FARP1: variants seen among roughly 807,000 people sequenced by gnomAD.
The protein encoded by FARP1 is FERM, ARHGEF and pleckstrin domain-containing protein 1.
A neutral mutation model predicts 128.8 loss-of-function variants in FARP1; 52 were observed. The observed-to-expected ratio is 0.40, with a 90% CI of 0.32 to 0.51. The LOEUF is 0.51. Among genes scored for constraint, FARP1 ranks in the 20% least tolerant of loss-of-function variants. The pLI, the probability that FARP1 is intolerant of heterozygous loss-of-function variation, is 0.45. For synonymous variants in FARP1, 580 were observed against 551.8 expected (o/e 1.05, Z -0.72); for missense variants, 1,333 against 1,367.9 (o/e 0.97, Z 0.40).
chr13:98,203,274 C>G (rs1199179563), intron 1 of FARP1, among the ~76,000 whole-genome samples: 2 of 152,166 alleles, frequency 1.3e-5, no homozygotes, highest in African/African-American at 4.8e-5. Flanking sequence ...TAACTTTGAC[C>G]TGTTTCAGGT....
intron 1 of FARP1, among the ~76,000 whole-genome samples, chr13:98,161,797 C>G (rs1292002364): frequency 6.6e-6 from 1 of 151,728 alleles, no homozygotes; most frequent in Non-Finnish European, 1.5e-5. Context: ...CCCTTTCTTT[C>G]GAGGCAGGGT....
intron 13 of FARP1, among the ~76,000 whole-genome samples, chr13:98,408,666 T>A (rs1282150535): frequency 6.6e-6 from 1 of 152,244 alleles, no homozygotes; most frequent in Non-Finnish European, 1.5e-5. Flanking sequence ...TCTCAAGGAC[T>A]CATGGTACCC....
chr13:98,172,136 G>C (rs530994533), intron 1 of FARP1, among the ~76,000 whole-genome samples: 12 of 152,110 alleles, frequency 7.9e-5, no homozygotes, highest in Middle Eastern at 3.4e-3. Flanking sequence ...TGTTGGGCGG[G>C]GTGGGGAAAA....
intron 1 of FARP1, among the ~76,000 whole-genome samples, chr13:98,195,483 A>G (rs1303817826): frequency 1.3e-5 from 2 of 152,154 alleles, no homozygotes; most frequent in Non-Finnish European, 2.9e-5. Context: ...ATTTAAGGGC[A>G]GTGAGTTTGC....
intron 3 of FARP1, among the ~76,000 whole-genome samples, chr13:98,348,465 G>A (rs1888271425): frequency 6.6e-6 from 1 of 152,232 alleles, no homozygotes; most frequent in Admixed American, 6.5e-5. Flanking sequence ...CGAGTTCCGG[G>A]AGCTGGCCAG....
chr13:98,312,436 GC>G (rs1297660920), intron 2 of FARP1, among the ~76,000 whole-genome samples: 1 of 152,158 alleles, frequency 6.6e-6, no homozygotes, highest in Non-Finnish European at 1.5e-5. Flanking sequence ...ACTGCGCCCA[GC>G]CAGTAAATGC....
At chr13:98,262,709 C>T (rs1883939328) in intron 2 of FARP1, among the ~76,000 whole-genome samples, 1 of 152,048 alleles carries the variant, frequency 6.6e-6, no homozygotes, top group Non-Finnish European at 1.5e-5. Flanking sequence ...TTGCACATGA[C>T]TTTTAGTTGA....
At position 98,446,750 on chromosome 13, in the gene FARP1, G is replaced by A. The variant is rs369210249; in HGVS notation, c.2989G>A (p.Val997Met). 3.1e-5 allele frequency: 50 copies of A among 1,614,042 alleles called. 1 individual carries two copies. In the South Asian group the frequency reaches 4.6e-4, roughly 15 times the overall value. ...GTCCGAGAACATCCAGAAAGACTAC[G>A]TGTTCAAGCTGCACTTCAAGTCCCA... is the stretch of plus-strand genomic sequence containing the variant. ...SESENIQKDY[V>M]FKLHFKSHVY... The change falls in exon 26 of 27, where the codon GTG (valine) becomes ATG (methionine). Residue 997 changes from valine (V) to methionine (M), a missense_variant. Transcript: ENST00000319562.
intron 2 of FARP1, among the ~76,000 whole-genome samples, chr13:98,338,233 T>C (rs2250674): frequency 0.49 from 75,035 of 152,046 alleles, 19,082 homozygotes; most frequent in African/African-American, 0.62. Flanking sequence ...CATCGTTGTG[T>C]GATTATCACC....
At chr13:98,244,848 G>C in intron 2 of FARP1, 3 of 1,457,062 alleles carry the variant, frequency 2.1e-6, no homozygotes, top group Non-Finnish European at 2.7e-6. Flanking sequence ...AGATACAGAT[G>C]TGATCTCAGA....
Position 98,176,306 on chromosome 13 carries a change from G to GT in FARP1, c.-24+32817dup. ...CCTTCTGCAGCCTGAAGCTTTTGCA[G>GT]TTTCGCCATCAGTTCTTTGGCGGGG... On this transcript the variant is annotated intron_variant, in intron 1 of 26. Transcript: ENST00000319562. The surrounding 1 kb of genome is among the most constrained non-coding windows in gnomAD (Gnocchi z 6.2). 6.2e-7 allele frequency: 1 copy of GT among 1,612,978 alleles called. No homozygotes were observed. Among genetic ancestry groups the GT allele is most frequent in the Middle Eastern group, 1.7e-4 (1 of 6,056 alleles).
Position 98,453,186 on chromosome 13 carries a change from G to A in FARP1, c.*4869G>A, listed in dbSNP as rs774776414. ...GCCAAAGGAATTTCAGTGGGATGAA[G>A]TTCCTCCACCACTTAGAGAGTATCT... On this transcript the variant is annotated 3_prime_UTR_variant, in exon 27 of 27. Coordinates refer to ENST00000319562, the MANE Select transcript of FARP1 (RefSeq NM_005766.4). 1 of 1,613,634 alleles carries A rather than the reference G, an allele frequency of 6.2e-7. No individual in the cohort carries two copies. Among genetic ancestry groups the A allele is most frequent in the Non-Finnish European group, 8.5e-7 (1 of 1,179,820 alleles).
intron 18 of FARP1, chr13:98,433,162 T>A (rs1474698652): frequency 6.6e-6 from 1 of 151,982 alleles, no homozygotes; most frequent in Non-Finnish European, 1.5e-5. Flanking sequence ...AGCGGCTACA[T>A]CCCACTGCGC....
At chr13:98,289,047 G>A (rs997684695) in intron 2 of FARP1, among the ~76,000 whole-genome samples, 6 of 149,736 alleles carry the variant, frequency 4.0e-5, no homozygotes, top group Admixed American at 2.0e-4. Context: ...TAATGTTTGC[G>A]ATACCGTGTA....
chr13:98,444,258 G>A (rs760635661), intron 24 of FARP1, among the ~76,000 whole-genome samples: 4 of 152,102 alleles, frequency 2.6e-5, no homozygotes, highest in South Asian at 2.1e-4. Context: ...ACCTTGACTC[G>A]ATCGCATCTG....
rs1435693007 is a variant in FARP1 at position 98,439,201 on chromosome 13, G to A, written c.2433+5G>A. On this transcript the variant is annotated splice_donor_5th_base_variant and intron_variant, in intron 21 of 26. Transcript: ENST00000319562. ...CTCCCGCTCTATGGCATGACGGTGA[G>A]TACAGCACAGGCTCGTGGCCAGGGC... 2.5e-6 allele frequency: 4 copies of A among 1,606,472 alleles called. No individual in the cohort carries two copies. The highest frequency in any genetic ancestry group is 1.1e-5 in the South Asian group (1 of 90,424).
intron 1 of FARP1, 79 bp from the exon 2 acceptor site, chr13:98,213,141 G>A (rs1880833772): frequency 3.4e-6 from 4 of 1,159,956 alleles, no homozygotes; most frequent in Non-Finnish European, 4.8e-6. Context: ...TGCCCACCTG[G>A]GTGGGGTTCA....
At chr13:98,375,051 C>G (rs1344281445) in intron 5 of FARP1, among the ~76,000 whole-genome samples, 1 of 152,242 alleles carries the variant, frequency 6.6e-6, no homozygotes, top group East Asian at 1.9e-4. Context: ...AGGATGAAAT[C>G]TCAACATGAG....
chr13:98,161,911 C>G (rs547041167), intron 1 of FARP1, among the ~76,000 whole-genome samples: 1 of 152,110 alleles, frequency 6.6e-6, no homozygotes, highest in Non-Finnish European at 1.5e-5. Flanking sequence ...TCTTAAGTAG[C>G]TGGGACTACA....
Sources: allele counts gnomAD v4.1 joint callset (sites outside exome capture counted in the v4.1 genomes callset), GRCh38; gene constraint gnomAD v4.1.1; non-coding constraint Gnocchi (gnomAD v3.1); transcripts MANE v1.5; gene names NCBI Gene and HGNC (gene_info 2026-07-23, HGNC 2026-07-21).